The following RGS7BP variants were observed in gnomAD, a reference collection of about 807,000 sequenced individuals.
The protein encoded by RGS7BP is regulator of G protein signaling 7 binding protein.
A neutral mutation model predicts 31.3 loss-of-function variants in RGS7BP; 9 were observed. The ratio of observed to expected loss-of-function variants is 0.29; its 90% confidence interval spans 0.17 to 0.50. The LOEUF is 0.50. Among genes scored for constraint, RGS7BP ranks in the 20% least tolerant of loss-of-function variants. RGS7BP has a pLI of 0.98. For missense variants in RGS7BP, 274 were observed against 322.0 expected (o/e 0.85, Z 1.14); for synonymous variants, 115 against 120.1 (o/e 0.96, Z 0.28).
chr5:64,548,294 T>C (rs1741707947), intron 2 of RGS7BP, among the ~76,000 whole-genome samples: 1 of 152,094 alleles, frequency 6.6e-6, no homozygotes, highest in African/African-American at 2.4e-5. Context: ...TTCTGAAGTA[T>C]TAAAGTACTA....
intron 4 of RGS7BP, among the ~76,000 whole-genome samples, chr5:64,598,119 G>A (rs1302129001): frequency 6.6e-6 from 1 of 152,140 alleles, no homozygotes; most frequent in Non-Finnish European, 1.5e-5. Flanking sequence ...CAGAGATGAG[G>A]GCTCCTGCAG....
intron 2 of RGS7BP, among the ~76,000 whole-genome samples, chr5:64,536,427 A>G (rs1003757805): frequency 6.6e-6 from 1 of 152,192 alleles, no homozygotes; most frequent in Non-Finnish European, 1.5e-5. Flanking sequence ...TATGGTGTTT[A>G]TTGTCGCACG....
chr5:64,585,691 C>A (rs116107795), intron 3 of RGS7BP, among the ~76,000 whole-genome samples: 11 of 152,236 alleles, frequency 7.2e-5, no homozygotes, highest in African/African-American at 9.6e-5. Flanking sequence ...GAATAACCAA[C>A]CTTTCAATTT....
intron 2 of RGS7BP, among the ~76,000 whole-genome samples, chr5:64,521,555 C>A (rs1240448385): frequency 6.6e-6 from 1 of 152,168 alleles, no homozygotes; most frequent in Non-Finnish European, 1.5e-5. Flanking sequence ...CCGCGCCTGG[C>A]CTTTTGTGTC....
At chr5:64,560,844 G>T (rs912511541) in intron 2 of RGS7BP, among the ~76,000 whole-genome samples, 1 of 152,230 alleles carries the variant, frequency 6.6e-6, no homozygotes, top group African/African-American at 2.4e-5. Flanking sequence ...AGAGGCCATT[G>T]CATTGCATCC....
chr5:64,552,220 A>G (rs962205418), intron 2 of RGS7BP, among the ~76,000 whole-genome samples: 2 of 152,184 alleles, frequency 1.3e-5, no homozygotes, highest in African/African-American at 4.8e-5. Flanking sequence ...TCCCCTAAAT[A>G]ACATCTCCTA....
chr5:64,545,837 T>A (rs1312380022), intron 2 of RGS7BP, among the ~76,000 whole-genome samples: 2 of 152,086 alleles, frequency 1.3e-5, no homozygotes, highest in Non-Finnish European at 2.9e-5. Context: ...GGGGAACTTG[T>A]GAGAAATCAA....
In RGS7BP at chr5:64,609,253, G is replaced by A. The variant is rs1296113641; in HGVS notation, c.*1G>A. 1 of 1,574,876 alleles carries A rather than the reference G, an allele frequency of 6.3e-7. No individual in the cohort carries two copies. ...GCTGTGTTGTCTCATCTCAAGCTAG[G>A]TGGCTCCTCCTGGAAACCCACTGAG... On this transcript the variant is annotated 3_prime_UTR_variant, in exon 6 of 6. Coordinates refer to ENST00000334025, the MANE Select transcript of RGS7BP (RefSeq NM_001029875.3).
At chr5:64,563,221 A>C (rs1366118760) in intron 2 of RGS7BP, among the ~76,000 whole-genome samples, 1 of 152,076 alleles carries the variant, frequency 6.6e-6, no homozygotes, top group East Asian at 1.9e-4. Flanking sequence ...TTATGAATTA[A>C]TCTTTGAACG....
intron 2 of RGS7BP, among the ~76,000 whole-genome samples, chr5:64,522,611 A>G (rs775147982): frequency 1.4e-4 from 21 of 152,254 alleles, no homozygotes; most frequent in Non-Finnish European, 2.5e-4. Flanking sequence ...AGCATGCACC[A>G]TAATGCAAAA....
chr5:64,583,622 G>A (rs571982551), intron 3 of RGS7BP, among the ~76,000 whole-genome samples: 1 of 152,108 alleles, frequency 6.6e-6, no homozygotes, highest in Non-Finnish European at 1.5e-5. Flanking sequence ...GAAAGTGACT[G>A]GGTGGCTACT....
intron 2 of RGS7BP, among the ~76,000 whole-genome samples, chr5:64,557,428 G>A (rs1741954203): frequency 6.6e-6 from 1 of 152,118 alleles, no homozygotes; most frequent in Non-Finnish European, 1.5e-5. Context: ...CCTGATACAA[G>A]TGCTCTTTGC....
In RGS7BP at chr5:64,603,362, T is replaced by C. The variant is rs190989225; in HGVS notation, c.682+4927T>C. Among the ~76,000 whole-genome samples, 5 of 152,192 alleles carry C rather than the reference T, an allele frequency of 3.3e-5. No homozygotes were observed. In the East Asian group the frequency reaches 7.7e-4, roughly 24 times the overall value. ...GGCAGAGAACAACAACTTTTGGACA[T>C]GGGGGGAACTTTCTGGAGCAGTGCT... On this transcript the variant is annotated intron_variant, in intron 5 of 5. Transcript: ENST00000334025.
intron 5 of RGS7BP, chr5:64,601,329 C>T (rs924015984): frequency 1.6e-4 from 54 of 346,116 alleles, no homozygotes; most frequent in Non-Finnish European, 1.9e-4. Context: ...CTAACTTGGC[C>T]GTCAACTCCA....
At position 64,611,909 on chromosome 5, in the gene RGS7BP, C is replaced by T. The variant is rs1270270951; in HGVS notation, c.*2657C>T. On this transcript the variant is annotated 3_prime_UTR_variant, in exon 6 of 6. Coordinates refer to ENST00000334025, the MANE Select transcript of RGS7BP (RefSeq NM_001029875.3). ...GATAAAGTTCTACTGTCTCGGCTTC[C>T]TGCTGGTAATTCGCTTTCAGATTAG... 4 of 151,880 alleles carry T rather than the reference C, an allele frequency of 2.6e-5. No homozygotes were observed. In the East Asian group the frequency reaches 7.8e-4, roughly 30 times the overall value. 9.4% of individuals were successfully genotyped at this position (151,880 alleles called of 1,614,324 possible).
intron 3 of RGS7BP, among the ~76,000 whole-genome samples, chr5:64,584,455 A>G (rs1742687917): frequency 6.6e-6 from 1 of 152,246 alleles, no homozygotes; most frequent in African/African-American, 2.4e-5. Flanking sequence ...GACACCCAGT[A>G]TGGAAAAGTC....
chr5:64,565,601 C>T (rs1024726905), intron 2 of RGS7BP, among the ~76,000 whole-genome samples: 19 of 152,052 alleles, frequency 1.2e-4, no homozygotes, highest in Admixed American at 1.0e-3. Flanking sequence ...GAACCAGCAC[C>T]GTAACCCCAG....
intron 2 of RGS7BP, among the ~76,000 whole-genome samples, chr5:64,524,042 GA>G (rs1473928930): frequency 6.6e-6 from 1 of 152,064 alleles, no homozygotes; most frequent in African/African-American, 2.4e-5. Context: ...ACCCTAAGGG[GA>G]AAAAAACTTC....
chr5:64,582,553 T>C (rs1220768771), intron 3 of RGS7BP, among the ~76,000 whole-genome samples: 1 of 152,172 alleles, frequency 6.6e-6, no homozygotes, highest in African/African-American at 2.4e-5. Flanking sequence ...TATACCATCC[T>C]CCCTTCCTCT....
Sources: allele counts gnomAD v4.1 joint callset (sites outside exome capture counted in the v4.1 genomes callset), GRCh38; gene constraint gnomAD v4.1.1; transcripts MANE v1.5; gene names NCBI Gene and HGNC (gene_info 2026-07-23, HGNC 2026-07-21).